SCAPER: variants seen among roughly 807,000 people sequenced by gnomAD.
The protein encoded by SCAPER is S-phase cyclin A associated protein in the ER.
SCAPER carries 98 observed loss-of-function variants against 182.2 expected under a neutral mutation model. The observed-to-expected ratio is 0.54, with a 90% CI of 0.46 to 0.64. The LOEUF is 0.64. Ranked by LOEUF, SCAPER falls within the 30% of genes least tolerant of loss-of-function variation. The pLI, the probability that SCAPER is intolerant of heterozygous loss-of-function variation, is 0.00. For synonymous variants in SCAPER, 605 were observed against 564.6 expected, an observed-to-expected ratio of 1.07 and a Z score of -1.01; for missense variants, 1,432 against 1,690.0, an observed-to-expected ratio of 0.85 and a Z score of 2.68.
rs760393864 is a variant in SCAPER at position 76,434,185 on chromosome 15, T to C, written c.3204A>G (p.Arg1068=). The change falls in exon 26 of 32, where the codon CGA becomes CGG. Residue 1068 remains arginine (R), a synonymous_variant. Coordinates refer to ENST00000563290, the MANE Select transcript of SCAPER (RefSeq NM_020843.4). ...AVVLGCLIAN[R]PDGNCQPATP... is the part of the protein sequence containing the mutation. ...TAGCTGGCTGGCAGTTTCCATCTGG[T>C]CGATTGGCAATCAGGCAGCCCAAAA... is the stretch of plus-strand genomic sequence containing the variant. 2.5e-6 allele frequency: 4 copies of C among 1,613,872 alleles called. No individual in the cohort carries two copies. The African/African-American group carries it at 5.3e-5, about 22-fold the overall frequency.
At chr15:76,636,150 G>T (rs764524895) in intron 21 of SCAPER, among the ~76,000 whole-genome samples, 2 of 152,090 alleles carry the variant, frequency 1.3e-5, no homozygotes. Context: ...TCCTTCTTTT[G>T]TGAAGGAAAG....
At chr15:76,729,439 T>C (rs1022574203) in intron 16 of SCAPER, among the ~76,000 whole-genome samples, 1 of 152,066 alleles carries the variant, frequency 6.6e-6, no homozygotes, top group Admixed American at 6.6e-5. Flanking sequence ...TATATGGTTA[T>C]AGAAACACCT....
intron 2 of SCAPER, among the ~76,000 whole-genome samples, chr15:76,864,495 AT>A (rs1314179043): frequency 1.3e-5 from 2 of 152,060 alleles, no homozygotes; most frequent in African/African-American, 4.8e-5. Context: ...GTATGTTACT[AT>A]TTGCCTTCCA....
chr15:76,693,624 T>C (rs1598201476), intron 20 of SCAPER, among the ~76,000 whole-genome samples: 1 of 152,240 alleles, frequency 6.6e-6, no homozygotes, highest in East Asian at 1.9e-4. Context: ...AAATATAGTA[T>C]ACACAATTGA....
Position 76,545,711 on chromosome 15 carries a change from A to C in SCAPER, c.2838+28447T>G, listed in dbSNP as rs983727514. On this transcript the variant is annotated intron_variant, in intron 23 of 31. Transcript: ENST00000563290. ...TGAAGACTACTGTGAAGGGAAGGAG[A>C]TGCAAAGGACAGTGGTCTCAGTAAG... Among the ~76,000 whole-genome samples the C allele has an allele frequency of 5.3e-5, 8 of 152,114 alleles. 1 individual carries two copies. Among genetic ancestry groups the C allele is most frequent in the African/African-American group, 1.2e-4 (5 of 41,424 alleles).
chr15:76,427,682 T>C (rs909320848), intron 26 of SCAPER, among the ~76,000 whole-genome samples: 2 of 151,798 alleles, frequency 1.3e-5, no homozygotes, highest in Non-Finnish European at 2.9e-5. Flanking sequence ...CCTGTCTCTA[T>C]AAAAAAAATT....
At chr15:76,706,228 G>A (rs1365506899) in intron 17 of SCAPER, among the ~76,000 whole-genome samples, 1 of 152,082 alleles carries the variant, frequency 6.6e-6, no homozygotes, top group East Asian at 1.9e-4. Context: ...TTAGCTCAAA[G>A]ACTGTCATTT....
chr15:76,585,167 G>A (rs1255670655), intron 22 of SCAPER, among the ~76,000 whole-genome samples: 2 of 151,974 alleles, frequency 1.3e-5, no homozygotes, highest in Non-Finnish European at 2.9e-5. Flanking sequence ...TTAAAAGTCA[G>A]GATAATATAT....
chr15:76,847,601 T>A (rs995861272), intron 4 of SCAPER, among the ~76,000 whole-genome samples: 1 of 152,166 alleles, frequency 6.6e-6, no homozygotes, highest in African/African-American at 2.4e-5. Flanking sequence ...ATACACCCAC[T>A]ATGTACCCAC....
intron 20 of SCAPER, among the ~76,000 whole-genome samples, chr15:76,698,924 T>C (rs1263896371): frequency 6.6e-6 from 1 of 152,250 alleles, no homozygotes; most frequent in Non-Finnish European, 1.5e-5. Flanking sequence ...TTGTTTGTGT[T>C]ATCTCTGGTA....
chr15:76,511,839 ATATATG>A (rs1429348232), intron 23 of SCAPER, among the ~76,000 whole-genome samples: 7 of 42,416 alleles, frequency 1.7e-4, no homozygotes, highest in Admixed American at 5.3e-4. Context: ...TTATATATAT[ATATATG>A]TGTGTGTGTG....
chr15:76,561,981 C>G (rs1275514210), intron 23 of SCAPER, among the ~76,000 whole-genome samples: 2 of 151,352 alleles, frequency 1.3e-5, no homozygotes, highest in Non-Finnish European at 2.9e-5. Context: ...CCCATCTCTA[C>G]CAAAAATACA....
At chr15:76,784,231 T>A (rs1157825900) in intron 8 of SCAPER, among the ~76,000 whole-genome samples, 1 of 151,374 alleles carries the variant, frequency 6.6e-6, no homozygotes. Context: ...GCATTCCCTA[T>A]ACACCAATAA....
At chr15:76,806,192 A>C (rs1360525626) in intron 5 of SCAPER, among the ~76,000 whole-genome samples, 1 of 152,348 alleles carries the variant, frequency 6.6e-6, no homozygotes, top group East Asian at 1.9e-4. Flanking sequence ...TTTAGGCTTT[A>C]AACTGTATTC....
chr15:76,390,505 T>G (rs2043615782), intron 27 of SCAPER, among the ~76,000 whole-genome samples: 1 of 152,002 alleles, frequency 6.6e-6, no homozygotes, highest in East Asian at 1.9e-4. Context: ...CTCAGGACAA[T>G]CTTAGGAAAA....
rs189366280 is a variant in SCAPER, at chr15:76,886,916, C to T, written c.-59-3040G>A. On this transcript the variant is annotated intron_variant, in intron 1 of 31. Transcript: ENST00000563290. ...AATGCAGGAACAGAAAACCAAACAC[C>T]GCATGTTCTCACTTATATGTGAGAG... Among the ~76,000 whole-genome samples, 161 of 152,240 alleles carry T rather than the reference C, an allele frequency of 1.1e-3. 3 individuals are homozygous for T. The highest frequency in any genetic ancestry group is 3.8e-3 in the African/African-American group (158 of 41,554).
intron 18 of SCAPER, among the ~76,000 whole-genome samples, chr15:76,704,634 G>T (rs553892572): frequency 1.3e-5 from 2 of 151,840 alleles, no homozygotes; most frequent in African/African-American, 4.8e-5. Flanking sequence ...AGATAGTTTC[G>T]CAACCTGCTC....
chr15:76,775,198 T>G, intron 8 of SCAPER, 81 bp from the exon 9 acceptor site: 1 of 1,287,118 alleles, frequency 7.8e-7, no homozygotes, highest in Non-Finnish European at 1.0e-6. Context: ...AAAAACATTT[T>G]CCAATTTAAT....
At chr15:76,545,263 A>G (rs2045165766) in intron 23 of SCAPER, among the ~76,000 whole-genome samples, 1 of 152,138 alleles carries the variant, frequency 6.6e-6, no homozygotes. Flanking sequence ...TGTTCTTTTG[A>G]CAAGAACTCA....
Sources: gnomAD v4.1 joint callset for allele counts (sites outside exome capture counted in the v4.1 genomes callset) on GRCh38, gnomAD v4.1.1 for gene constraint, MANE v1.5 for transcripts, NCBI Gene and HGNC (gene_info 2026-07-23, HGNC 2026-07-21) for gene names.